PPFIBP1: variants seen among roughly 807,000 people sequenced by gnomAD.
PPFIBP1 encodes the protein PPFIB scaffold protein 1.
A neutral mutation model predicts 137.8 loss-of-function variants in PPFIBP1; 112 were observed. The ratio of observed to expected loss-of-function variants is 0.81; its 90% CI spans 0.70 to 0.95. The LOEUF (loss-of-function observed/expected upper bound fraction) is 0.95, where lower values mean the gene tolerates loss of function less well. Ranked by LOEUF, PPFIBP1 falls within the 40% of genes least tolerant of loss-of-function variation. PPFIBP1 has a pLI of 0.00. For missense variants in PPFIBP1, 1,083 were observed against 1,196.6 expected, an observed-to-expected ratio of 0.91 and a Z score of 1.40; for synonymous variants, 378 against 417.3, an observed-to-expected ratio of 0.91 and a Z score of 1.15.
At chr12:27,639,044 G>T (rs1326585605) in intron 4 of PPFIBP1, among the ~76,000 whole-genome samples, 3 of 152,144 alleles carry the variant, frequency 2.0e-5, no homozygotes, top group Non-Finnish European at 4.4e-5. Context: ...GCTGCTAATT[G>T]CTCCTGCCTG....
intron 1 of PPFIBP1, among the ~76,000 whole-genome samples, chr12:27,554,458 T>C (rs6487611): frequency 0.99 from 150,311 of 152,360 alleles, 74,177 homozygotes; most frequent in East Asian, 1. Flanking sequence ...GAGAGACAGC[T>C]GATGACAGTC....
chr12:27,670,383 C>G (rs1003836939), intron 13 of PPFIBP1, among the ~76,000 whole-genome samples: 21 of 152,100 alleles, frequency 1.4e-4, no homozygotes, highest in Admixed American at 6.5e-4. Flanking sequence ...CACTTTTCAT[C>G]AATTATGTTA....
At chr12:27,656,871 G>T in intron 9 of PPFIBP1, 141 bp downstream of exon 9, 1 of 595,018 alleles carries the variant, frequency 1.7e-6, no homozygotes, top group South Asian at 2.0e-5. Context: ...AACCACAGGG[G>T]ATTCTCCAAG....
At chr12:27,590,611 C>G (rs1285073971) in intron 2 of PPFIBP1, among the ~76,000 whole-genome samples, 1 of 152,128 alleles carries the variant, frequency 6.6e-6, no homozygotes, top group Non-Finnish European at 1.5e-5. Context: ...AGAGCAGGGA[C>G]TAGGGGACAG....
At chr12:27,612,932 TCATC>T (rs1364328864) in intron 2 of PPFIBP1, among the ~76,000 whole-genome samples, 1 of 6,932 alleles carries the variant, frequency 1.4e-4, no homozygotes, top group Non-Finnish European at 2.9e-3. Context: ...ATACACATCA[TCATC>T]ATCATCATCA....
At chr12:27,612,328 G>GTTTTTTTTTTTT (rs1173958726) in intron 2 of PPFIBP1, among the ~76,000 whole-genome samples, 2 of 87,252 alleles carry the variant, frequency 2.3e-5, no homozygotes, top group Non-Finnish European at 4.3e-5. Context: ...CTTTATTGGT[G>GTTTTTTTTTTTT]TTTTTTTTTT....
At chr12:27,545,360 G>A (rs1946122649) in intron 1 of PPFIBP1, among the ~76,000 whole-genome samples, 1 of 152,126 alleles carries the variant, frequency 6.6e-6, no homozygotes, top group African/African-American at 2.4e-5. Flanking sequence ...TTCTGCACGT[G>A]TATCCCAGAA....
At chr12:27,622,151 C>G (rs568408200) in intron 2 of PPFIBP1, among the ~76,000 whole-genome samples, 1 of 152,246 alleles carries the variant, frequency 6.6e-6, no homozygotes, top group East Asian at 1.9e-4. Context: ...ACCATCCTCC[C>G]CATTTGTTGG....
At chr12:27,652,300 G>A (rs192240105) in intron 7 of PPFIBP1, among the ~76,000 whole-genome samples, 2 of 152,148 alleles carry the variant, frequency 1.3e-5, no homozygotes, top group African/African-American at 2.4e-5. Context: ...GAAGATTCAG[G>A]ACTTGTCCCT....
chr12:27,632,618 A>G (rs147033564), intron 2 of PPFIBP1, among the ~76,000 whole-genome samples: 141 of 152,292 alleles, frequency 9.3e-4, no homozygotes, highest in Non-Finnish European at 1.7e-3. Flanking sequence ...ATTATAGTGG[A>G]AGTTAGACAG....
chr12:27,550,933 G>A (rs1592397256), intron 1 of PPFIBP1, among the ~76,000 whole-genome samples: 1 of 151,152 alleles, frequency 6.6e-6, no homozygotes, highest in Non-Finnish European at 1.5e-5. Context: ...CACTTACTCT[G>A]TGGCAGTGCT....
chr12:27,695,155 T>G lies in PPFIBP1; in HGVS notation c.*2273T>G, dbSNP rs186290546. 6.6e-6 allele frequency: 1 copy of G among 151,790 alleles called. No homozygotes were observed. Among genetic ancestry groups the G allele is most frequent in the African/African-American group, 2.4e-5 (1 of 41,214 alleles). The allele number at this position is 151,790 out of a possible 1,614,324, so 9.4% of individuals were successfully genotyped here. ...TTTTTGAGACGGAGTCTTGCTCTGT[T>G]GCCCAGGCTGGAGTGCAGTGGCACA... is the stretch of plus-strand genomic sequence containing the variant. On this transcript the variant is annotated 3_prime_UTR_variant, in exon 30 of 30. Coordinates refer to ENST00000228425, the MANE Select transcript of PPFIBP1 (RefSeq NM_003622.4).
chr12:27,652,789 A>G (rs1350696627), intron 7 of PPFIBP1, among the ~76,000 whole-genome samples: 1 of 152,196 alleles, frequency 6.6e-6, no homozygotes, highest in Non-Finnish European at 1.5e-5. Flanking sequence ...GAAAATATAT[A>G]TTTAGAAAGA....
intron 4 of PPFIBP1, among the ~76,000 whole-genome samples, chr12:27,645,610 A>G (rs539160187): frequency 1.2e-4 from 19 of 152,232 alleles, no homozygotes; most frequent in Non-Finnish European, 2.2e-4. Context: ...TAATAAGATC[A>G]GGACAAAAAG....
At chr12:27,673,505 A>C (rs1056364605) in intron 15 of PPFIBP1, among the ~76,000 whole-genome samples, 3 of 152,218 alleles carry the variant, frequency 2.0e-5, no homozygotes, top group Non-Finnish European at 4.4e-5. Flanking sequence ...TGACATCACA[A>C]GGCTAGTCCT....
chr12:27,581,475 A>G (rs2051108581), intron 2 of PPFIBP1, among the ~76,000 whole-genome samples: 2 of 152,206 alleles, frequency 1.3e-5, no homozygotes, highest in African/African-American at 4.8e-5. Context: ...GCTTGCCTGT[A>G]TCATCACTCC....
At position 27,682,658 on chromosome 12, in the gene PPFIBP1, T is replaced by A. The variant is rs764302367; in HGVS notation, c.2202T>A (p.Phe734Leu). 1 of 1,614,072 alleles carries A rather than the reference T, an allele frequency of 6.2e-7. No individual in the cohort carries two copies. Among genetic ancestry groups the A allele is most frequent in the African/African-American group, 1.3e-5 (1 of 74,938 alleles). Residue 734 changes from phenylalanine (F) to leucine (L), a missense_variant, in exon 24 of 30, where the codon TTT becomes TTA. Coordinates refer to ENST00000228425, the MANE Select transcript of PPFIBP1 (RefSeq NM_003622.4). ...GCCTCCCTCAATATAAGACCCAGTTTGATGAAGGACGGGTTGATGGTCGAA... is the reference window on the plus strand; with the variant it reads ...GCCTCCCTCAATATAAGACCCAGTTAGATGAAGGACGGGTTGATGGTCGAA... ...DIGLPQYKTQ[F>L]DEGRVDGRML...
intron 2 of PPFIBP1, among the ~76,000 whole-genome samples, chr12:27,583,382 C>A (rs2051343177): frequency 6.6e-6 from 1 of 152,122 alleles, no homozygotes; most frequent in South Asian, 2.1e-4. Flanking sequence ...TCAAGGAGGT[C>A]ACATTTCTAC....
intron 1 of PPFIBP1, among the ~76,000 whole-genome samples, chr12:27,573,457 T>C (rs1169199506): frequency 6.6e-6 from 1 of 151,988 alleles, no homozygotes; most frequent in Admixed American, 6.6e-5. Context: ...GAGGAGAAAA[T>C]AGGGTCTTTA....
Sources: allele counts gnomAD v4.1 joint callset (sites outside exome capture counted in the v4.1 genomes callset), GRCh38; gene constraint gnomAD v4.1.1; transcripts MANE v1.5; gene names NCBI Gene and HGNC (gene_info 2026-07-23, HGNC 2026-07-21).